ACVR1C: variants seen among roughly 807,000 people sequenced by gnomAD.
The protein encoded by ACVR1C is activin receptor type-1C.
ACVR1C carries 23 observed loss-of-function variants against 57.9 expected under a neutral mutation model. The observed-to-expected ratio is 0.40, with a 90% CI of 0.29 to 0.56. The LOEUF is 0.56. Among genes scored for constraint, ACVR1C ranks in the 20% least tolerant of loss-of-function variants. The probability of loss-of-function intolerance (pLI) is 0.50; values close to 1 mark genes in which losing one functional copy is unlikely to be tolerated. For synonymous variants in ACVR1C, 214 were observed against 215.3 expected (o/e 0.99, Z 0.05); for missense variants, 480 against 607.9 (o/e 0.79, Z 2.21).
Position 157,543,614 on chromosome 2 carries a change from C to T in ACVR1C, c.944-752G>A, listed in dbSNP as rs79353886. On this transcript the variant is annotated intron_variant, in intron 5 of 8. Coordinates refer to ENST00000243349, the MANE Select transcript of ACVR1C (RefSeq NM_145259.3). ...TACATACACAAAAACCTTTGTAGTC[C>T]TCAATAATTTTAAGAGTGTAAAGAG... Among the ~76,000 whole-genome samples the T allele has an allele frequency of 7.3e-3, 1,114 of 152,106 alleles. 8 individuals are homozygous for T. Among genetic ancestry groups the T allele is most frequent in the African/African-American group, 0.025 (1,039 of 41,500 alleles).
Position 157,531,907 on chromosome 2 carries a change from C to T in ACVR1C, c.*2011G>A, listed in dbSNP as rs143596047. Reference sequence around the variant, plus strand: ...TCAATTTAATCTCTTCCCCCACACACTCACATCCCTATTCCCATTCCCAAA... The same window carrying T: ...TCAATTTAATCTCTTCCCCCACACATTCACATCCCTATTCCCATTCCCAAA... On this transcript the variant is annotated 3_prime_UTR_variant, in exon 9 of 9. Coordinates refer to ENST00000243349, the MANE Select transcript of ACVR1C (RefSeq NM_145259.3). 2.6e-5 allele frequency: 4 copies of T among 152,150 alleles called. No homozygotes were observed. Among genetic ancestry groups the T allele is most frequent in the Non-Finnish European group, 5.9e-5 (4 of 68,016 alleles). The allele number at this position is 152,150 out of a possible 1,614,324, so 9.4% of individuals were successfully genotyped here.
chr2:157,608,591 C>T (rs896552925), intron 1 of ACVR1C, among the ~76,000 whole-genome samples: 6 of 151,638 alleles, frequency 4.0e-5, no homozygotes, highest in African/African-American at 1.4e-4. Flanking sequence ...GGTAGAATTC[C>T]ACAGTGAATA....
intron 1 of ACVR1C, among the ~76,000 whole-genome samples, chr2:157,611,125 C>T (rs1429308233): frequency 6.6e-6 from 1 of 152,154 alleles, no homozygotes; most frequent in Admixed American, 6.5e-5. Flanking sequence ...ACATTGATAT[C>T]TGCACTTCTG....
intron 2 of ACVR1C, among the ~76,000 whole-genome samples, chr2:157,576,835 C>CTTTTTTTTTTTTTTTT (rs1166673398): frequency 2.4e-5 from 1 of 41,722 alleles, no homozygotes; most frequent in African/African-American, 1.4e-4. Context: ...TTGAAATTTT[C>CTTTTTTTTTTTTTTTT]TTTTTTTTTT....
chr2:157,604,605 T>G (rs940254614), intron 1 of ACVR1C, among the ~76,000 whole-genome samples: 2 of 151,984 alleles, frequency 1.3e-5, no homozygotes, highest in Admixed American at 6.6e-5. Flanking sequence ...GTGGGATTAC[T>G]ATTTTGTATA....
At chr2:157,549,012 G>T (rs927363433) in intron 4 of ACVR1C, among the ~76,000 whole-genome samples, 3 of 152,176 alleles carry the variant, frequency 2.0e-5, no homozygotes, top group Non-Finnish European at 2.9e-5. Flanking sequence ...GTCTGTATTG[G>T]TTATTAAAAT....
intron 7 of ACVR1C, among the ~76,000 whole-genome samples, chr2:157,540,501 T>C (rs1044406829): frequency 1.3e-5 from 2 of 152,162 alleles, no homozygotes; most frequent in African/African-American, 4.8e-5. Context: ...TTCTCCACGT[T>C]GGTCAGGCTG....
At chr2:157,605,070 A>G (rs1280211622) in intron 1 of ACVR1C, among the ~76,000 whole-genome samples, 1 of 151,814 alleles carries the variant, frequency 6.6e-6, no homozygotes, top group Non-Finnish European at 1.5e-5. Context: ...ACTTGTAAAC[A>G]TGCAAGAGAT....
At chr2:157,597,903 A>G (rs1457010840) in intron 1 of ACVR1C, among the ~76,000 whole-genome samples, 1 of 152,224 alleles carries the variant, frequency 6.6e-6, no homozygotes, top group Non-Finnish European at 1.5e-5. Flanking sequence ...ATTTATTGAG[A>G]GAAATCTCTT....
intron 1 of ACVR1C, among the ~76,000 whole-genome samples, chr2:157,616,620 A>T (rs187594548): frequency 7.0e-4 from 107 of 152,240 alleles, no homozygotes; most frequent in African/African-American, 2.2e-3. Context: ...GGTTGATGTA[A>T]ATATAACTAT....
At chr2:157,542,648 A>AT (rs1407228831) in intron 6 of ACVR1C, 58 bp downstream of exon 6, 1 of 1,556,882 alleles carries the variant, frequency 6.4e-7, no homozygotes, top group East Asian at 2.3e-5. Context: ...ACATGAGGAC[A>AT]TTCATGCTTA....
intron 2 of ACVR1C, among the ~76,000 whole-genome samples, chr2:157,560,301 TTA>T (rs1558977880): frequency 6.6e-6 from 1 of 152,210 alleles, no homozygotes; most frequent in Admixed American, 6.5e-5. Context: ...ATATTGATGT[TTA>T]TGAGATTTAC....
rs1687339332 is a variant in ACVR1C at position 157,531,035 on chromosome 2, A to G, written c.*2883T>C. Reference sequence around the variant, plus strand: ...AAGCCAAAATATCTGTAAGGAGTAAAGAACACTGATACTCTGAACATAACC... The same window carrying G: ...AAGCCAAAATATCTGTAAGGAGTAAGGAACACTGATACTCTGAACATAACC... On this transcript the variant is annotated 3_prime_UTR_variant, in exon 9 of 9. Coordinates refer to ENST00000243349, the MANE Select transcript of ACVR1C (RefSeq NM_145259.3). 1 of 152,028 alleles carries G rather than the reference A, an allele frequency of 6.6e-6. No individual in the cohort carries two copies. Among genetic ancestry groups the G allele is most frequent in the Non-Finnish European group, 1.5e-5 (1 of 67,938 alleles). The allele number at this position is 152,028 out of a possible 1,614,324, so 9.4% of individuals were successfully genotyped here.
chr2:157,550,337 T>C lies in ACVR1C; in HGVS notation c.600A>G (p.Ile200Met). Residue 200 changes from isoleucine (I) to methionine (M), a missense_variant, in exon 4 of 9, where the codon ATA (isoleucine) becomes ATG (methionine). By Grantham distance (10) the Ile-to-Met change is conservative (BLOSUM62 1). Transcript: ENST00000243349. The stretch of plus-strand genomic sequence containing the variant: ...CCTCACCAAATCTACCTTTTCCTAC[T>C]ATTTCCTGAAGCACAATCGTCCTTG... ...TIARTIVLQE[I>M]VGKGRFGEVW... 1 of 1,614,148 alleles carries C rather than the reference T, an allele frequency of 6.2e-7. No individual in the cohort carries two copies. Among genetic ancestry groups the C allele is most frequent in the Non-Finnish European group, 8.5e-7 (1 of 1,180,024 alleles).
At position 157,530,555 on chromosome 2, in the gene ACVR1C, A is replaced by T. The variant is rs1018287231; in HGVS notation, c.*3363T>A. ...TAATAAAATAATAAATTATTCTGGA[A>T]CTTCTAACCTAATGAATCTATTGTA... On this transcript the variant is annotated 3_prime_UTR_variant, in exon 9 of 9. Transcript: ENST00000243349. 2 of 152,122 alleles carry T rather than the reference A, an allele frequency of 1.3e-5. No homozygotes were observed. Among genetic ancestry groups the T allele is most frequent in the African/African-American group, 4.8e-5 (2 of 41,442 alleles). 9.4% of individuals were successfully genotyped at this position (152,122 alleles called of 1,614,324 possible). A position where few individuals can be genotyped will look rare whatever the true frequency, so the allele number is the denominator to read the frequency against.
intron 4 of ACVR1C, among the ~76,000 whole-genome samples, chr2:157,548,039 A>G (rs1468655132): frequency 6.6e-6 from 1 of 152,166 alleles, no homozygotes; most frequent in African/African-American, 2.4e-5. Context: ...CTATTGTCTC[A>G]GCCCAAAATC....
intron 4 of ACVR1C, among the ~76,000 whole-genome samples, chr2:157,545,213 T>G (rs1687722486): frequency 6.6e-6 from 1 of 152,200 alleles, no homozygotes; most frequent in Non-Finnish European, 1.5e-5. Flanking sequence ...TAAAAGACTT[T>G]TAGAAAAGAA....
At chr2:157,597,294 C>T (rs886879248) in intron 1 of ACVR1C, 2 of 961,512 alleles carry the variant, frequency 2.1e-6, no homozygotes, top group Non-Finnish European at 2.5e-6. Flanking sequence ...TTCCCGGTCC[C>T]CAGCGCGCTC....
chr2:157,610,442 C>A (rs143836072), intron 1 of ACVR1C, among the ~76,000 whole-genome samples: 1 of 152,102 alleles, frequency 6.6e-6, no homozygotes, highest in South Asian at 2.1e-4. Context: ...TTATAGGTGA[C>A]GAGATACTTT....
Sources: gnomAD v4.1 joint callset for allele counts (sites outside exome capture counted in the v4.1 genomes callset) on GRCh38, gnomAD v4.1.1 for gene constraint, MANE v1.5 for transcripts, NCBI Gene and HGNC (gene_info 2026-07-23, HGNC 2026-07-21) for gene names.